Variants in CDH20 observed in about 807,000 individuals in gnomAD.
CDH20 encodes cadherin-20.
In CDH20, 29 loss-of-function variants were observed where a neutral mutation model predicts 74.2. The ratio of observed to expected loss-of-function variants is 0.39; its 90% CI spans 0.29 to 0.53. CDH20 has a LOEUF of 0.53. Ranked by LOEUF, CDH20 falls within the 20% of genes least tolerant of loss-of-function variation. CDH20 has a pLI of 0.69. For synonymous variants in CDH20, 469 were observed against 405.4 expected, an observed-to-expected ratio of 1.16 and a Z score of -1.88; for missense variants, 988 against 1,048.3, an observed-to-expected ratio of 0.94 and a Z score of 0.79.
chr18:61,464,188 A>G (rs924540387), intron 1 of CDH20, among the ~76,000 whole-genome samples: 1 of 152,170 alleles, frequency 6.6e-6, no homozygotes, highest in Non-Finnish European at 1.5e-5. Context: ...TTTTATTGAT[A>G]ACATCATTAT....
chr18:61,388,274 G>A (rs1428817537), intron 1 of CDH20, among the ~76,000 whole-genome samples: 1 of 152,180 alleles, frequency 6.6e-6, no homozygotes, highest in African/African-American at 2.4e-5. Flanking sequence ...ACTCAAAGAT[G>A]AGAGTACAGA....
chr18:61,473,371 G>C (rs1312287285), intron 1 of CDH20, among the ~76,000 whole-genome samples: 1 of 152,086 alleles, frequency 6.6e-6, no homozygotes, highest in Non-Finnish European at 1.5e-5. Context: ...GAAGAGAAAC[G>C]TTTGCAAAAT....
intron 1 of CDH20, among the ~76,000 whole-genome samples, chr18:61,400,593 C>A (rs183202519): frequency 3.3e-4 from 51 of 152,284 alleles, no homozygotes; most frequent in African/African-American, 1.2e-3. Flanking sequence ...ACAAAGGGAA[C>A]ACAACCTCTA....
chr18:61,540,464 G>A (rs983931099), intron 9 of CDH20, among the ~76,000 whole-genome samples: 15 of 152,246 alleles, frequency 9.9e-5, no homozygotes, highest in East Asian at 1.9e-4. Flanking sequence ...TCACAATCAC[G>A]GTGGAAGGCG....
rs139290687 is a variant in CDH20 at position 61,474,270 on chromosome 18, C to T, written c.-152-16132C>T. Among the ~76,000 whole-genome samples the T allele has an allele frequency of 7.2e-5, 11 of 152,342 alleles. No homozygotes were observed. The East Asian group carries it at 2.1e-3, about 29-fold the overall frequency. On this transcript the variant is annotated intron_variant, in intron 1 of 11. Transcript: ENST00000262717. ...TTCTTCTGCCACTGATTAACACTGT[C>T]TTCCCTGTTCCTGGTTCCTAAAGAG...
At chr18:61,346,386 C>T (rs78259428) in intron 1 of CDH20, among the ~76,000 whole-genome samples, 1,841 of 151,918 alleles carry the variant, frequency 0.012, 43 homozygotes, top group African/African-American at 0.043. Context: ...TGATTCTGGG[C>T]AAAAGAAATA....
rs546068869 is a variant in CDH20 at position 61,453,370 on chromosome 18, C to T, written c.-152-37032C>T. 5.9e-5 allele frequency among the ~76,000 whole-genome samples: 9 copies of T among 152,244 alleles called. 1 individual carries two copies. Among genetic ancestry groups the T allele is most frequent in the South Asian group, 4.2e-4 (2 of 4,818 alleles). On this transcript the variant is annotated intron_variant, in intron 1 of 11. Coordinates refer to ENST00000262717, the MANE Select transcript of CDH20 (RefSeq NM_031891.4). ...TCGGCTCACTGCAACCTCCATCTCC[C>T]GGGTTCAAGTGATTCCCCTGCCTCA... is the stretch of plus-strand genomic sequence containing the variant.
Position 61,554,545 on chromosome 18 carries a change from G to C in CDH20, c.2256G>C (p.Gly752=), listed in dbSNP as rs375354595. 2 of 1,613,000 alleles carry C rather than the reference G, an allele frequency of 1.2e-6. No individual in the cohort carries two copies. The highest frequency in any genetic ancestry group is 1.7e-6 in the Non-Finnish European group (2 of 1,179,880). ...CCCTCCAGACGTATATGTTCGAGGG[G>C]GACGGCTCTGTGGCGGGGTCGCTGA... The part of the protein sequence containing the change: ...FDSLQTYMFE[G]DGSVAGSLSS... The change falls in exon 12 of 12, where the codon GGG becomes GGC. Residue 752 remains glycine, a synonymous_variant. Coordinates refer to ENST00000262717, the MANE Select transcript of CDH20 (RefSeq NM_031891.4).
At chr18:61,549,234 T>A (rs1486816806) in intron 10 of CDH20, among the ~76,000 whole-genome samples, 2 of 152,166 alleles carry the variant, frequency 1.3e-5, no homozygotes, top group Non-Finnish European at 2.9e-5. Context: ...CACATACACA[T>A]CCCAACTTTG....
At chr18:61,394,622 A>G (rs1377133556) in intron 1 of CDH20, among the ~76,000 whole-genome samples, 1 of 152,166 alleles carries the variant, frequency 6.6e-6, no homozygotes, top group East Asian at 1.9e-4. Flanking sequence ...GAACTGTGAG[A>G]CAATAGATTA....
chr18:61,383,410 G>A (rs936615074), intron 1 of CDH20, among the ~76,000 whole-genome samples: 5 of 151,998 alleles, frequency 3.3e-5, no homozygotes, highest in Admixed American at 6.6e-5. Flanking sequence ...GTAAAAACCC[G>A]TCTTTACTAA....
intron 1 of CDH20, among the ~76,000 whole-genome samples, chr18:61,464,557 G>C (rs778652975): frequency 6.6e-6 from 1 of 152,162 alleles, no homozygotes; most frequent in African/African-American, 2.4e-5. Context: ...TGGATGCTTT[G>C]ATTCACTGCA....
At chr18:61,364,537 C>T (rs549704711) in intron 1 of CDH20, among the ~76,000 whole-genome samples, 1 of 152,188 alleles carries the variant, frequency 6.6e-6, no homozygotes, top group Non-Finnish European at 1.5e-5. Context: ...GTCTCGAACT[C>T]CCAACCTCAG....
At chr18:61,539,689 GC>G (rs2144394178) in intron 9 of CDH20, among the ~76,000 whole-genome samples, 1 of 152,200 alleles carries the variant, frequency 6.6e-6, no homozygotes, top group African/African-American at 2.4e-5. Context: ...AAAATATCTT[GC>G]AGTAGGACAA....
chr18:61,494,827 C>G (rs781007211), intron 2 of CDH20, among the ~76,000 whole-genome samples: 1 of 152,090 alleles, frequency 6.6e-6, no homozygotes, highest in African/African-American at 2.4e-5. Flanking sequence ...CAAATCATGC[C>G]GAGGTTAACA....
intron 1 of CDH20, among the ~76,000 whole-genome samples, chr18:61,469,364 T>TACACACACAC (rs35516738): frequency 1.2e-4 from 17 of 142,352 alleles, no homozygotes; most frequent in South Asian, 4.6e-4. Flanking sequence ...TGAGAATGAA[T>TACACACACAC]ACACACACAC....
chr18:61,347,263 A>G (rs1250920188), intron 1 of CDH20, among the ~76,000 whole-genome samples: 2 of 144,094 alleles, frequency 1.4e-5, no homozygotes, highest in Non-Finnish European at 3.0e-5. Context: ...AGCCTGGCCA[A>G]CATGGTGAAA....
chr18:61,548,706 C>T (rs1398279144), intron 10 of CDH20, among the ~76,000 whole-genome samples: 1 of 152,192 alleles, frequency 6.6e-6, no homozygotes, highest in Non-Finnish European at 1.5e-5. Context: ...GGCCGCCCCG[C>T]TCTGCATCTC....
intron 1 of CDH20, among the ~76,000 whole-genome samples, chr18:61,399,618 A>G (rs1017987267): frequency 1.3e-5 from 2 of 152,066 alleles, no homozygotes; most frequent in African/African-American, 4.8e-5. Flanking sequence ...TTGTTCACTG[A>G]TCTTCACCTC....
Sources: gnomAD v4.1 joint callset for allele counts (sites outside exome capture counted in the v4.1 genomes callset) on GRCh38, gnomAD v4.1.1 for gene constraint, MANE v1.5 for transcripts, NCBI Gene and HGNC (gene_info 2026-07-23, HGNC 2026-07-21) for gene names.